Variants in MAP7 observed in about 807,000 individuals in gnomAD.
The protein encoded by MAP7 is ensconsin.
A neutral mutation model predicts 94.8 loss-of-function variants in MAP7; 52 were observed. The observed-to-expected ratio is 0.55, with a 90% CI of 0.44 to 0.69. The LOEUF is 0.69. Among genes scored for constraint, MAP7 ranks in the 30% least tolerant of loss-of-function variants. The pLI is 0.00. For missense variants in MAP7, 940 were observed against 964.6 expected (o/e 0.97, Z 0.34); for synonymous variants, 350 against 357.0 (o/e 0.98, Z 0.22).
intron 1 of MAP7, among the ~76,000 whole-genome samples, chr6:136,515,275 C>T (rs757123715): frequency 6.6e-6 from 1 of 152,198 alleles, no homozygotes; most frequent in Non-Finnish European, 1.5e-5. Flanking sequence ...CTTAAGAGAA[C>T]GTGTGGCTGG....
chr6:136,452,516 C>T (rs1043483860), intron 1 of MAP7, among the ~76,000 whole-genome samples: 1 of 152,082 alleles, frequency 6.6e-6, no homozygotes, highest in African/African-American at 2.4e-5. Context: ...TCTCTAAAGG[C>T]TCAAATGATC....
chr6:136,468,807 C>T (rs1186492942), intron 1 of MAP7, among the ~76,000 whole-genome samples: 2 of 152,158 alleles, frequency 1.3e-5, no homozygotes, highest in Admixed American at 6.5e-5. Flanking sequence ...TCTGCTGCAG[C>T]ATCTACCCTC....
chr6:136,456,826 GAA>G (rs1803302563), intron 1 of MAP7, among the ~76,000 whole-genome samples: 1 of 120,406 alleles, frequency 8.3e-6, no homozygotes. Context: ...GAAGAAGGAA[GAA>G]GAAGAAGAAG....
At chr6:136,493,404 T>A (rs187214403) in intron 1 of MAP7, among the ~76,000 whole-genome samples, 1 of 152,150 alleles carries the variant, frequency 6.6e-6, no homozygotes, top group Non-Finnish European at 1.5e-5. Context: ...ATTACAGCCA[T>A]AAGCCACCGC....
chr6:136,429,061 C>T (rs1044041819), intron 1 of MAP7, among the ~76,000 whole-genome samples: 5 of 152,202 alleles, frequency 3.3e-5, no homozygotes, highest in Admixed American at 1.3e-4. Flanking sequence ...ACAAGGCACA[C>T]ATCCATTCCT....
chr6:136,455,338 G>A (rs904828531), intron 1 of MAP7, among the ~76,000 whole-genome samples: 2 of 151,956 alleles, frequency 1.3e-5, no homozygotes, highest in Admixed American at 6.6e-5. Flanking sequence ...AATATATAAA[G>A]CATACAATGA....
chr6:136,452,270 G>A (rs1801389067), intron 1 of MAP7, among the ~76,000 whole-genome samples: 2 of 152,066 alleles, frequency 1.3e-5, no homozygotes, highest in Admixed American at 6.6e-5. Context: ...TGTTTCTTAT[G>A]GATGAACAAA....
At chr6:136,424,538 T>C (rs1222862103) in intron 1 of MAP7, among the ~76,000 whole-genome samples, 1 of 152,108 alleles carries the variant, frequency 6.6e-6, no homozygotes, top group African/African-American at 2.4e-5. Flanking sequence ...TAAAACAAAA[T>C]ATAGAGGCAT....
chr6:136,474,429 G>A (rs957189930), intron 1 of MAP7, among the ~76,000 whole-genome samples: 7 of 152,248 alleles, frequency 4.6e-5, no homozygotes, highest in African/African-American at 1.2e-4. Context: ...AGCAGATGAC[G>A]TCTGGACCAG....
At chr6:136,485,555 ATTTTTTTTTTTTT>A (rs747333121) in intron 1 of MAP7, among the ~76,000 whole-genome samples, 2 of 98,158 alleles carry the variant, frequency 2.0e-5, no homozygotes, top group East Asian at 6.6e-4. Flanking sequence ...TCCACTTCAG[ATTTTTTTTTTTTT>A]TTTTTTTTTT....
chr6:136,484,982 C>T (rs1477966416), intron 1 of MAP7, among the ~76,000 whole-genome samples: 1 of 152,242 alleles, frequency 6.6e-6, no homozygotes, highest in Admixed American at 6.5e-5. Flanking sequence ...GCATGAGCCA[C>T]TGTGCCCAGA....
At chr6:136,465,188 T>C (rs915294915) in intron 1 of MAP7, among the ~76,000 whole-genome samples, 1 of 152,188 alleles carries the variant, frequency 6.6e-6, no homozygotes. Flanking sequence ...TTATCTACTT[T>C]TGCAGGAAAT....
In MAP7 at chr6:136,361,136, T is replaced by G. The variant is rs751827475; in HGVS notation, c.1570A>C (p.Thr524Pro). 3 of 1,605,326 alleles carry G rather than the reference T, an allele frequency of 1.9e-6. No homozygotes were observed. Among genetic ancestry groups the G allele is most frequent in the Admixed American group, 1.7e-5 (1 of 60,020 alleles). ...ELAQRVAEER[T>P]TRREEESRRL... ...CGCGACTCCTCCTCACGGCGAGTCG[T>G]CCTCTCTTCAGCCACACGTTGAGCC... Residue 524 changes from threonine to proline, a missense_variant, in exon 12 of 18, where the codon ACG becomes CCG. Thr to Pro is a conservative substitution (Grantham distance 38). Coordinates refer to ENST00000354570, the MANE Select transcript of MAP7 (RefSeq NM_003980.6).
chr6:136,440,262 T>C (rs1457436984), intron 1 of MAP7, among the ~76,000 whole-genome samples: 2 of 152,190 alleles, frequency 1.3e-5, no homozygotes, highest in Non-Finnish European at 2.9e-5. Flanking sequence ...GGTTGAAGTC[T>C]TCCAAGGCAG....
chr6:136,367,234 AAAAC>A (rs749297668), intron 8 of MAP7, among the ~76,000 whole-genome samples: 1 of 152,220 alleles, frequency 6.6e-6, no homozygotes. Flanking sequence ...AATGAAGACC[AAAAC>A]AAACAAACAA....
chr6:136,392,050 C>T (rs937281992), intron 3 of MAP7, among the ~76,000 whole-genome samples: 1 of 152,192 alleles, frequency 6.6e-6, no homozygotes, highest in Non-Finnish European at 1.5e-5. Flanking sequence ...GTACACCATG[C>T]ACCTTGTACC....
intron 1 of MAP7, among the ~76,000 whole-genome samples, chr6:136,478,447 AAAAC>A (rs1446965935): frequency 1.3e-5 from 2 of 151,864 alleles, no homozygotes; most frequent in Non-Finnish European, 2.9e-5. Flanking sequence ...AACAAACAAA[AAAAC>A]AAACCAAACA....
intron 1 of MAP7, among the ~76,000 whole-genome samples, chr6:136,524,771 G>T (rs1827363485): frequency 1.3e-5 from 2 of 152,162 alleles, no homozygotes; most frequent in African/African-American, 4.8e-5. Context: ...TCAGACACTG[G>T]ATTCTATTTA....
At chr6:136,384,935 GT>G (rs1196231732) in intron 5 of MAP7, among the ~76,000 whole-genome samples, 1 of 152,178 alleles carries the variant, frequency 6.6e-6, no homozygotes, top group African/African-American at 2.4e-5. Flanking sequence ...TGTAATGAAA[GT>G]CTAAAAAGTC....
Sources: gnomAD v4.1 joint callset for allele counts (sites outside exome capture counted in the v4.1 genomes callset) on GRCh38, gnomAD v4.1.1 for gene constraint, MANE v1.5 for transcripts, NCBI Gene and HGNC (gene_info 2026-07-23, HGNC 2026-07-21) for gene names.